The following STIM1 variants were observed in gnomAD, a reference collection of about 807,000 sequenced individuals.
The protein encoded by STIM1 is stromal interaction molecule 1.
Under a neutral mutation model 74.7 loss-of-function variants are expected in STIM1, and 25 were observed. The observed-to-expected ratio is 0.33, with a 90% CI of 0.24 to 0.47. The LOEUF (loss-of-function observed/expected upper bound fraction) is 0.47, where lower values mean the gene tolerates loss of function less well. STIM1 is among the 20% of genes least tolerant of loss of function. STIM1 has a pLI of 1.00. For synonymous variants in STIM1, 328 were observed against 348.8 expected (o/e 0.94, Z 0.66); for missense variants, 728 against 920.8 (o/e 0.79, Z 2.71).
chr11:3,930,552 G>C (rs775084617), intron 1 of STIM1, among the ~76,000 whole-genome samples: 11 of 152,164 alleles, frequency 7.2e-5, no homozygotes, highest in Non-Finnish European at 1.2e-4. Context: ...GCTCAGTGTA[G>C]CAGGATGGTG....
chr11:3,992,089 G>GTTTT (rs75377604), intron 2 of STIM1, among the ~76,000 whole-genome samples: 6 of 95,402 alleles, frequency 6.3e-5, no homozygotes, highest in East Asian at 6.4e-4. Flanking sequence ...CTGTTTTTTT[G>GTTTT]TTTTTTTTTT....
At position 3,857,377 on chromosome 11, in the gene STIM1, G is replaced by A. The variant is rs572013181; in HGVS notation, c.139+968G>A. 1.2e-4 allele frequency among the ~76,000 whole-genome samples: 18 copies of A among 151,682 alleles called. No homozygotes were observed. The East Asian group carries it at 2.5e-3, about 21-fold the overall frequency. On this transcript the variant is annotated intron_variant, in intron 1 of 12. Transcript: ENST00000526596. ...AGTGATCCTCCTGCCTCAGCCTCCC[G>A]GTAGCTGGGACTAAACACAAGAGCC...
intron 1 of STIM1, among the ~76,000 whole-genome samples, chr11:3,953,772 A>ATCT (rs2093177605): frequency 2.1e-5 from 3 of 142,224 alleles, no homozygotes; most frequent in South Asian, 2.4e-4. Context: ...TGACTTCTTG[A>ATCT]TCTTCTTCTT....
chr11:4,003,955 CAGAG>C (rs1483008526), intron 2 of STIM1, among the ~76,000 whole-genome samples: 4 of 152,150 alleles, frequency 2.6e-5, no homozygotes, highest in African/African-American at 7.2e-5. Context: ...AACAGACAAA[CAGAG>C]AGCCAAATCA....
intron 2 of STIM1, among the ~76,000 whole-genome samples, chr11:3,992,251 A>G (rs117146763): frequency 0.011 from 1,700 of 151,272 alleles, 17 homozygotes; most frequent in Non-Finnish European, 0.019. Flanking sequence ...TCTACAAAAA[A>G]AAAAACACAA....
At chr11:4,019,936 C>G (rs900021025) in intron 2 of STIM1, among the ~76,000 whole-genome samples, 2 of 152,174 alleles carry the variant, frequency 1.3e-5, no homozygotes, top group East Asian at 3.8e-4. Context: ...TGACCAATCT[C>G]TCCCCATCTC....
chr11:4,086,817 T>G, intron 12 of STIM1: 1 of 1,536,462 alleles, frequency 6.5e-7, no homozygotes, highest in Non-Finnish European at 8.7e-7. Flanking sequence ...ACACACCCCC[T>G]TCTGACAGCA....
intron 2 of STIM1, among the ~76,000 whole-genome samples, chr11:3,975,075 G>A (rs1201102893): frequency 1.3e-5 from 2 of 152,158 alleles, no homozygotes. Flanking sequence ...AAACAGATAA[G>A]ATCCCTGCTT....
chr11:4,050,671 G>A (rs7943217), intron 3 of STIM1, among the ~76,000 whole-genome samples: 7,042 of 152,140 alleles, frequency 0.046, 510 homozygotes, highest in African/African-American at 0.15. Context: ...AACAACACAG[G>A]GGTTAGGGGT....
In STIM1 at chr11:3,856,371, C is replaced by G; in HGVS notation, c.101C>G (p.Thr34Ser). The change falls in exon 1 of 13, where the codon ACC (threonine) becomes AGC (serine). Residue 34 changes from threonine to serine, a missense_variant. Coordinates refer to ENST00000526596, the MANE Select transcript of STIM1 (RefSeq NM_001382567.1). ...SHSHSEKATG[T>S]SSGANSEEST... ...AGTCACAGTGAGAAGGCGACAGGAA[C>G]CAGCTCGGGGGCCAACTCTGAGGAG... 1 of 1,614,204 alleles carries G rather than the reference C, an allele frequency of 6.2e-7. No homozygotes were observed. Among genetic ancestry groups the G allele is most frequent in the East Asian group, 2.2e-5 (1 of 44,888 alleles).
At chr11:4,073,048 GT>G (rs56009858) in intron 6 of STIM1, among the ~76,000 whole-genome samples, 1,201 of 82,772 alleles carry the variant, frequency 0.015, 10 homozygotes, top group African/African-American at 0.016. Flanking sequence ...GGACTTAGAG[GT>G]TTTTTTTTTT....
intron 1 of STIM1, among the ~76,000 whole-genome samples, chr11:3,893,747 C>T (rs1181380341): frequency 1.3e-5 from 2 of 151,818 alleles, no homozygotes; most frequent in Non-Finnish European, 1.5e-5. Context: ...ACCTCTGCCT[C>T]CCGGGTTCAA....
intron 2 of STIM1, among the ~76,000 whole-genome samples, chr11:4,020,762 A>T (rs1334154997): frequency 1.3e-5 from 2 of 149,976 alleles, no homozygotes; most frequent in East Asian, 3.9e-4. Flanking sequence ...ACACCTGGCT[A>T]ATTTTTTTTT....
intron 1 of STIM1, among the ~76,000 whole-genome samples, chr11:3,905,421 T>C (rs1029474052): frequency 4.0e-5 from 6 of 151,438 alleles, no homozygotes; most frequent in Admixed American, 6.6e-5. Context: ...TGAGCTGGTA[T>C]AGGTTGTGGG....
intron 2 of STIM1, among the ~76,000 whole-genome samples, chr11:3,979,306 T>A (rs748469572): frequency 1.1e-4 from 17 of 152,230 alleles, no homozygotes; most frequent in Non-Finnish European, 2.4e-4. Context: ...ATGTTGTACA[T>A]GCTGCCAGTG....
At position 4,092,933 on chromosome 11, in the gene STIM1, G is replaced by A. The variant is rs1392050335; in HGVS notation, c.*1135G>A. The A allele has an allele frequency of 6.6e-6, 1 of 152,368 alleles. No individual in the cohort carries two copies. The highest frequency in any genetic ancestry group is 1.5e-5 in the Non-Finnish European group (1 of 68,080). 9.4% of individuals were successfully genotyped at this position (152,368 alleles called of 1,614,324 possible). A position where few individuals can be genotyped will look rare whatever the true frequency, so the allele number is the denominator to read the frequency against. On this transcript the variant is annotated 3_prime_UTR_variant, in exon 13 of 13. Transcript: ENST00000526596. ...ATGGTATAGGTGAAGGCGGCTGTGTGACCACTTTCCCCCACCCTTCCCACC... is the reference window on the plus strand; with the variant it reads ...ATGGTATAGGTGAAGGCGGCTGTGTAACCACTTTCCCCCACCCTTCCCACC...
At chr11:3,931,386 G>C (rs936171052) in intron 1 of STIM1, among the ~76,000 whole-genome samples, 12 of 152,096 alleles carry the variant, frequency 7.9e-5, no homozygotes, top group African/African-American at 2.9e-4. Context: ...ATAAGACGTG[G>C]TCCTTACCTG....
intron 1 of STIM1, among the ~76,000 whole-genome samples, chr11:3,864,906 C>G (rs2090793519): frequency 6.6e-6 from 1 of 152,172 alleles, no homozygotes; most frequent in African/African-American, 2.4e-5. Flanking sequence ...TCATGCATTA[C>G]TTCATTGCTT....
At chr11:4,010,931 A>G (rs7109227) in intron 2 of STIM1, among the ~76,000 whole-genome samples, 6,430 of 151,708 alleles carry the variant, frequency 0.042, 433 homozygotes, top group African/African-American at 0.14. Context: ...GTATGTTCTC[A>G]TTGTTCAACT....
Sources: gnomAD v4.1 joint callset for allele counts (sites outside exome capture counted in the v4.1 genomes callset) on GRCh38, gnomAD v4.1.1 for gene constraint, MANE v1.5 for transcripts, NCBI Gene and HGNC (gene_info 2026-07-23, HGNC 2026-07-21) for gene names.